The following ZNF257 variants were observed in gnomAD, a reference collection of about 807,000 sequenced individuals.
The protein encoded by ZNF257 is zinc finger protein 257.
Under a neutral mutation model 11.9 loss-of-function variants are expected in ZNF257, and 12 were observed. The ratio of observed to expected loss-of-function variants is 1.01; its 90% CI spans 0.65 to 1.63. The LOEUF (loss-of-function observed/expected upper bound fraction) is 1.63. ZNF257 is among the 40% of genes most tolerant of loss of function. ZNF257 has a pLI of 0.00. For missense variants in ZNF257, 580 were observed against 665.5 expected, an observed-to-expected ratio of 0.87 and a Z score of 1.41; for synonymous variants, 183 against 222.7, an observed-to-expected ratio of 0.82 and a Z score of 1.59.
In ZNF257 at chr19:22,087,960, GTTTTT is replaced by G; in HGVS notation, c.227-16_227-12del. The G allele has an allele frequency of 2.8e-6, 4 of 1,437,554 alleles. No homozygotes were observed. The South Asian group carries it at 7.0e-5, about 25-fold the overall frequency. The allele number at this position is 1,437,554 out of a possible 1,614,324, so 89.0% of individuals were successfully genotyped here. A position where few individuals can be genotyped will look rare whatever the true frequency, so the allele number is the denominator to read the frequency against. ...AGTCTAGTAAGTGGAGTAATTTGTT[GTTTTT>G]ATTTCTTTTAGTTATGTGTTCTCAT... On this transcript the variant is annotated splice_polypyrimidine_tract_variant and intron_variant, in intron 3 of 3. Transcript: ENST00000594947.
chr19:22,088,384 C>A lies in ZNF257; in HGVS notation c.634C>A (p.Gln212Lys). Residue 212 changes from glutamine (Q) to lysine (K), a missense_variant, in exon 4 of 4, where the codon CAG becomes AAG. Transcript: ENST00000594947. Reference protein sequence around the residue: ...KCEECGKAFNQSSALTRHKMT... With the variant: ...KCEECGKAFNKSSALTRHKMT... ...TGAAGAATGTGGCAAAGCCTTTAACCAGTCCTCAGCTCTTACTCGACATAA... is the reference window on the plus strand; with the variant it reads ...TGAAGAATGTGGCAAAGCCTTTAACAAGTCCTCAGCTCTTACTCGACATAA... 1 of 1,612,160 alleles carries A rather than the reference C, an allele frequency of 6.2e-7. No homozygotes were observed. The highest frequency in any genetic ancestry group is 8.5e-7 in the Non-Finnish European group (1 of 1,179,388).
chr19:22,079,277 A>G (rs1029837697), intron 3 of ZNF257, among the ~76,000 whole-genome samples: 3 of 151,900 alleles, frequency 2.0e-5, no homozygotes, highest in Admixed American at 6.6e-5. Context: ...TTTAGCTTCT[A>G]GTATGTTTTG....
Position 22,089,169 on chromosome 19 carries a change from C to A in ZNF257, c.1419C>A (p.His473Gln), listed in dbSNP as rs1223305159. Residue 473 changes from histidine to glutamine, a missense_variant, in exon 4 of 4, where the codon CAC (histidine) becomes CAA (glutamine). His to Gln is a conservative substitution (Grantham distance 24). Coordinates refer to ENST00000594947, the MANE Select transcript of ZNF257 (RefSeq NM_033468.4). ...ECGKAFNQSS[H>Q]LTQHKIIHTG... is the part of the protein sequence containing the mutation. ...GCAAAGCCTTTAACCAGTCTTCACA[C>A]CTTACTCAACATAAAATAATTCATA... 1.2e-6 allele frequency: 2 copies of A among 1,613,650 alleles called. No individual in the cohort carries two copies. The highest frequency in any genetic ancestry group is 1.7e-6 in the Non-Finnish European group (2 of 1,179,830).
chr19:22,061,877 T>C (rs2021803698), intron 1 of ZNF257, among the ~76,000 whole-genome samples: 1 of 152,118 alleles, frequency 6.6e-6, no homozygotes, highest in African/African-American at 2.4e-5. Context: ...CTTTTTTTTT[T>C]TGTTGCATCT....
At chr19:22,073,807 G>A (rs2022165524) in intron 3 of ZNF257, among the ~76,000 whole-genome samples, 1 of 152,058 alleles carries the variant, frequency 6.6e-6, no homozygotes, top group African/African-American at 2.4e-5. Context: ...TACAGTGAGA[G>A]CCAAAGTCCT....
chr19:22,065,498 C>A (rs889986520), intron 1 of ZNF257, among the ~76,000 whole-genome samples: 1 of 151,914 alleles, frequency 6.6e-6, no homozygotes, highest in Non-Finnish European at 1.5e-5. Flanking sequence ...TGGTGCCCAG[C>A]GATTACAGAC....
intron 1 of ZNF257, among the ~76,000 whole-genome samples, chr19:22,068,344 C>T (rs996398620): frequency 1.9e-4 from 29 of 152,028 alleles, no homozygotes; most frequent in Admixed American, 5.9e-4. Flanking sequence ...TTAGGATGTG[C>T]TAGAACAGCC....
rs777459042 is a variant in ZNF257 at position 22,088,255 on chromosome 19, G to A, written c.505G>A (p.Glu169Lys). The change falls in exon 4 of 4, where the codon GAA becomes AAA. Residue 169 changes from glutamate to lysine, a missense_variant. By Grantham distance (56) the Glu-to-Lys change is moderately conservative. Coordinates refer to ENST00000594947, the MANE Select transcript of ZNF257 (RefSeq NM_033468.4). ...NSDRHKIRHT[E>K]KKTCKCKECG... is the part of the protein sequence containing the mutation. ...AGATAGACATAAGATAAGACATACTGAAAAGAAAACTTGCAAATGTAAAGA... is the reference window on the plus strand; with the variant it reads ...AGATAGACATAAGATAAGACATACTAAAAAGAAAACTTGCAAATGTAAAGA... 1 of 1,613,064 alleles carries A rather than the reference G, an allele frequency of 6.2e-7. No individual in the cohort carries two copies. The highest frequency in any genetic ancestry group is 8.5e-7 in the Non-Finnish European group (1 of 1,179,504).
intron 3 of ZNF257, chr19:22,087,735 C>A: frequency 1.6e-6 from 1 of 635,570 alleles, no homozygotes; most frequent in Non-Finnish European, 2.3e-6. Flanking sequence ...TTCTATGTTG[C>A]TTTTTACATC....
At chr19:22,052,735 C>G (rs889040656) in intron 1 of ZNF257, 100 bp downstream of exon 1, 10 of 1,407,990 alleles carry the variant, frequency 7.1e-6, no homozygotes, top group African/African-American at 1.4e-5. Context: ...GCAGTCAGCC[C>G]TACCATCTGC....
At chr19:22,085,578 G>A (rs537635819) in intron 3 of ZNF257, among the ~76,000 whole-genome samples, 3 of 152,124 alleles carry the variant, frequency 2.0e-5, no homozygotes, top group Non-Finnish European at 4.4e-5. Context: ...ATCAGAGAAA[G>A]TGAGGTATTG....
chr19:22,052,536 GT>G lies in ZNF257; in HGVS notation c.-96del, dbSNP rs1407141924. 6.8e-7 allele frequency: 1 copy of G among 1,461,632 alleles called. No homozygotes were observed. The highest frequency in any genetic ancestry group is 9.5e-7 in the Non-Finnish European group (1 of 1,054,658). 90.5% of individuals were successfully genotyped at this position (1,461,632 alleles called of 1,614,324 possible). ...GCAGGTCTCGTCTTCCCTGGTCTGT[GT>G]CCTCTTCTCCTAGGGGCCCAGCCTC... On this transcript the variant is annotated 5_prime_UTR_variant, in exon 1 of 4. Coordinates refer to ENST00000594947, the MANE Select transcript of ZNF257 (RefSeq NM_033468.4).
intron 1 of ZNF257, among the ~76,000 whole-genome samples, chr19:22,064,619 T>G (rs1304099847): frequency 1.3e-5 from 2 of 152,224 alleles, no homozygotes; most frequent in Non-Finnish European, 2.9e-5. Flanking sequence ...CAGGCTGAAG[T>G]ACTCACACTG....
At chr19:22,071,892 AGT>A (rs2022111734) in intron 1 of ZNF257, among the ~76,000 whole-genome samples, 1 of 152,162 alleles carries the variant, frequency 6.6e-6, no homozygotes, top group South Asian at 2.1e-4. Context: ...GGATTAAGGA[AGT>A]GTTTATTTAA....
intron 1 of ZNF257, among the ~76,000 whole-genome samples, chr19:22,057,233 A>G (rs955348077): frequency 6.6e-6 from 1 of 152,150 alleles, no homozygotes; most frequent in African/African-American, 2.4e-5. Flanking sequence ...TTATATGAGT[A>G]CTATGTTTGA....
chr19:22,073,460 A>T lies in ZNF257; in HGVS notation c.131-9A>T. On this transcript the variant is annotated splice_polypyrimidine_tract_variant and intron_variant, in intron 2 of 3. Transcript: ENST00000594947. ...AGCAAGATGCGTGTTACTTATTTTT[A>T]AAAAACAGGTATTGCTGTCTCTAAG... The T allele has an allele frequency of 1.4e-5, 22 of 1,601,956 alleles. No individual in the cohort carries two copies. Among genetic ancestry groups the T allele is most frequent in the Non-Finnish European group, 1.8e-5 (21 of 1,175,570 alleles).
intron 3 of ZNF257, among the ~76,000 whole-genome samples, chr19:22,074,211 C>T (rs1013101366): frequency 6.6e-6 from 1 of 151,854 alleles, no homozygotes; most frequent in African/African-American, 2.4e-5. Flanking sequence ...TTTATTGAAT[C>T]TATATTCTTT....
At chr19:22,073,828 A>G (rs1381544045) in intron 3 of ZNF257, among the ~76,000 whole-genome samples, 1 of 152,100 alleles carries the variant, frequency 6.6e-6, no homozygotes, top group Non-Finnish European at 1.5e-5. Context: ...CATGGCATAT[A>G]AGAGACTGCA....
At chr19:22,083,408 T>C (rs1198534894) in intron 3 of ZNF257, among the ~76,000 whole-genome samples, 1 of 152,060 alleles carries the variant, frequency 6.6e-6, no homozygotes, top group East Asian at 1.9e-4. Flanking sequence ...GAGGTGGAGA[T>C]TGCAGTGAGC....
Sources: gnomAD v4.1 joint callset for allele counts (sites outside exome capture counted in the v4.1 genomes callset) on GRCh38, gnomAD v4.1.1 for gene constraint, MANE v1.5 for transcripts, NCBI Gene and HGNC (gene_info 2026-07-23, HGNC 2026-07-21) for gene names.